The following ORC1 variants were observed in gnomAD, a reference collection of about 807,000 sequenced individuals.
ORC1 encodes origin recognition complex subunit 1.
Under a neutral mutation model 98.9 loss-of-function variants are expected in ORC1, and 61 were observed. The ratio of observed to expected loss-of-function variants is 0.62; its 90% CI spans 0.50 to 0.76. ORC1 has a LOEUF of 0.76. ORC1 is among the 30% of genes least tolerant of loss of function. The pLI is 0.00. For synonymous variants in ORC1, 385 were observed against 406.9 expected (o/e 0.95, Z 0.65); for missense variants, 979 against 1,072.2 (o/e 0.91, Z 1.21).
At position 52,393,747 on chromosome 1, in the gene ORC1, C is replaced by T. The variant is rs138474079; in HGVS notation, c.778G>A (p.Gly260Arg). ...QTSCASLDSP[G>R]RIKRKVAFSE... is the part of the protein sequence containing the mutation. ...AAGGCCACTTTCCGTTTTATTCTTC[C>T]TGGAGAATCCAAGGAGGCACATGAA... Residue 260 changes from glycine (G) to arginine (R), a missense_variant, in exon 6 of 17, where the codon GGA becomes AGA. By Grantham distance (125) the Gly-to-Arg change is moderately radical. Transcript: ENST00000371568. The T allele has an allele frequency of 6.2e-7, 1 of 1,614,024 alleles. No individual in the cohort carries two copies. The highest frequency in any genetic ancestry group is 8.5e-7 in the Non-Finnish European group (1 of 1,179,974).
At chr1:52,395,758 A>G (rs573192739) in intron 5 of ORC1, among the ~76,000 whole-genome samples, 4 of 152,274 alleles carry the variant, frequency 2.6e-5, no homozygotes, top group Admixed American at 1.3e-4. Context: ...CAAGCCTACA[A>G]TAAGTCGTGA....
rs3087485 is a variant in ORC1, at chr1:52,389,347, G to A, written c.1083-26C>T. On this transcript the variant is annotated intron_variant, in intron 6 of 16. Coordinates refer to ENST00000371568, the MANE Select transcript of ORC1 (RefSeq NM_004153.4). ...CTGCAAGAAACCACAGCGAGGTCAC[G>A]GGAAGCAGTTTTGGATACCAGAGTG... 667 of 1,579,402 alleles carry A rather than the reference G, an allele frequency of 4.2e-4. 3 individuals are homozygous for A. Among genetic ancestry groups the A allele is most frequent in the African/African-American group, 3.5e-3 (257 of 74,296 alleles).
At chr1:52,395,955 C>A in intron 5 of ORC1, 91 bp downstream of exon 5, 1 of 1,570,484 alleles carries the variant, frequency 6.4e-7, no homozygotes, top group Non-Finnish European at 8.7e-7. Context: ...GCACTGTGAT[C>A]ACTAACTCAA....
chr1:52,400,286 C>T (rs542389898), intron 3 of ORC1, among the ~76,000 whole-genome samples: 3 of 152,342 alleles, frequency 2.0e-5, no homozygotes, highest in African/African-American at 4.8e-5. Flanking sequence ...TTCCTACACA[C>T]ACATACTGTA....
intron 1 of ORC1, 27 bp downstream of exon 1, chr1:52,404,219 T>C (rs963039235): frequency 8.2e-5 from 13 of 158,860 alleles, no homozygotes; most frequent in Admixed American, 6.1e-4. Flanking sequence ...CCCGAGTCCC[T>C]CGCAGCCCGC....
At chr1:52,408,497 A>C (rs781304053), upstream of ORC1, 1 of 1,600,580 alleles carries the variant, frequency 6.2e-7, no homozygotes, top group South Asian at 1.1e-5. Flanking sequence ...CACTACTGTC[A>C]TGAGAACAGC....
chr1:52,373,122 A>C lies in ORC1; in HGVS notation c.*59T>G, dbSNP rs1452103461. 1 of 1,530,824 alleles carries C rather than the reference A, an allele frequency of 6.5e-7. No homozygotes were observed. Among genetic ancestry groups the C allele is most frequent in the Non-Finnish European group, 9.0e-7 (1 of 1,106,154 alleles). The allele number at this position is 1,530,824 out of a possible 1,614,324, so 94.8% of individuals were successfully genotyped here. A position where few individuals can be genotyped will look rare whatever the true frequency, so the allele number is the denominator to read the frequency against. On this transcript the variant is annotated 3_prime_UTR_variant, in exon 17 of 17. Coordinates refer to ENST00000371568, the MANE Select transcript of ORC1 (RefSeq NM_004153.4). ...ACTCCAGCCTGGGCGACAGAGCAAGACCCTGTCTCAAAAAACAAAACCCAG... is the reference window on the plus strand; with the variant it reads ...ACTCCAGCCTGGGCGACAGAGCAAGCCCCTGTCTCAAAAAACAAAACCCAG...
At chr1:52,408,440 C>CAG (rs1648060590), upstream of ORC1, 3 of 1,254,372 alleles carry the variant, frequency 2.4e-6, no homozygotes, top group African/African-American at 2.9e-5. Context: ...CATTCTACCT[C>CAG]CACAATTGCA....
intron 2 of ORC1, 71 bp downstream of exon 2, chr1:52,402,058 G>T: frequency 9.4e-7 from 1 of 1,068,728 alleles, no homozygotes; most frequent in Non-Finnish European, 1.5e-6. Context: ...ATTAGAACAG[G>T]CTAGATACAA....
At chr1:52,381,573 G>C (rs1647070153) in intron 14 of ORC1, 69 bp downstream of exon 14, 1 of 1,555,912 alleles carries the variant, frequency 6.4e-7, no homozygotes, top group Non-Finnish European at 8.8e-7. Flanking sequence ...CACCAGCATA[G>C]GGCCTCATAC....
intron 14 of ORC1, among the ~76,000 whole-genome samples, chr1:52,378,711 A>G (rs957511145): frequency 4.0e-5 from 6 of 151,830 alleles, no homozygotes; most frequent in Non-Finnish European, 8.8e-5. Flanking sequence ...AAGGAAGGGA[A>G]GCATCAGGAG....
intron 14 of ORC1, among the ~76,000 whole-genome samples, chr1:52,377,260 C>T (rs1027550005): frequency 5.3e-5 from 8 of 149,856 alleles, no homozygotes; most frequent in East Asian, 4.0e-4. Context: ...TGACCCACTG[C>T]GCCCAGCCGA....
In ORC1 at chr1:52,381,652, AC is replaced by A; in HGVS notation, c.2122del (p.Val708Ter). ...CAGCTGGTGACTTACCTTCCTGGCT[AC>A]CAGCTGGATGGCATCATCTTCAAAG... ...KAFEDDAIQLVARKVAALSGD... is the reference protein window; with the variant it reads ...KAFEDDAIQLXARKVAALSGD... On this transcript the variant is annotated frameshift_variant, in exon 14 of 17. Transcript: ENST00000371568. LOFTEE classifies it high-confidence loss of function. The A allele has an allele frequency of 6.2e-7, 1 of 1,609,138 alleles. No homozygotes were observed. Among genetic ancestry groups the A allele is most frequent in the Non-Finnish European group, 8.5e-7 (1 of 1,177,656 alleles).
At chr1:52,390,490 G>A (rs1023258403) in intron 6 of ORC1, among the ~76,000 whole-genome samples, 2 of 152,212 alleles carry the variant, frequency 1.3e-5, no homozygotes, top group Admixed American at 6.5e-5. Flanking sequence ...TAATTGGCAA[G>A]CCACATGTAG....
intron 1 of ORC1, among the ~76,000 whole-genome samples, 167 bp from the exon 2 acceptor site, chr1:52,402,395 G>A (rs574125924): frequency 5.3e-5 from 8 of 152,296 alleles, no homozygotes; most frequent in Admixed American, 5.2e-4. Flanking sequence ...TTGAAGTCAT[G>A]GTCTACGAAG....
chr1:52,385,811 T>C (rs1369766677), intron 9 of ORC1, 41 bp downstream of exon 9: 2 of 1,355,460 alleles, frequency 1.5e-6, no homozygotes, highest in African/African-American at 1.4e-5. Flanking sequence ...AGAGGCCCCA[T>C]GGTTCCTGCC....
chr1:52,384,721 C>G lies in ORC1; in HGVS notation c.1584G>C (p.Gly528=), dbSNP rs755670136. 2 of 1,613,176 alleles carry G rather than the reference C, an allele frequency of 1.2e-6. No individual in the cohort carries two copies. The highest frequency in any genetic ancestry group is 3.3e-5 in the Admixed American group (2 of 59,898). The change falls in exon 11 of 17, where the codon GGG becomes GGC. Residue 528 remains glycine (G), a splice_region_variant and synonymous_variant. Coordinates refer to ENST00000371568, the MANE Select transcript of ORC1 (RefSeq NM_004153.4). ...VESKLLDHTG[G]CMYISGVPGT... is the part of the protein sequence containing the mutation. ...CAGGGACACCGGAGATGTACATGCA[C>G]CTAGAGCAAGAGAGGAAAACCCGTG...
chr1:52,381,899 T>C (rs1647075448), intron 13 of ORC1, 138 bp from the exon 14 acceptor site: 1 of 806,402 alleles, frequency 1.2e-6, no homozygotes. Context: ...AGACTACCAC[T>C]GCCTTTACTG....
upstream of ORC1, among the ~76,000 whole-genome samples, chr1:52,407,970 C>T (rs192290619): frequency 1.2e-3 from 183 of 152,334 alleles, no homozygotes; most frequent in African/African-American, 4.1e-3. Flanking sequence ...GCAGGAGAAT[C>T]GCTTGAACCC....
Sources: allele counts gnomAD v4.1 joint callset (sites outside exome capture counted in the v4.1 genomes callset), GRCh38; gene constraint gnomAD v4.1.1; transcripts MANE v1.5; gene names NCBI Gene and HGNC (gene_info 2026-07-23, HGNC 2026-07-21).